TIMM17B: variants seen among roughly 807,000 people sequenced by gnomAD.
TIMM17B encodes mitochondrial import inner membrane translocase subunit Tim17-B.
A neutral mutation model predicts 15.9 loss-of-function variants in TIMM17B; 10 were observed. The observed-to-expected ratio is 0.63, with a 90% CI of 0.39 to 1.06. The LOEUF (loss-of-function observed/expected upper bound fraction) is 1.06. TIMM17B is among the 50% of genes least tolerant of loss of function. The pLI, the probability that TIMM17B is intolerant of heterozygous loss-of-function variation, is 0.01. For missense variants in TIMM17B, 114 were observed against 152.2 expected (o/e 0.75, Z 1.32); for synonymous variants, 57 against 57.2 (o/e 1.00, Z 0.02).
intron 2 of TIMM17B, 195 bp downstream of exon 1, chrX:48,897,529 G>A: frequency 6.7e-6 from 3 of 446,939 alleles, no homozygotes; most frequent in Non-Finnish European, 1.2e-5. Context: ...TTCGGCCTTC[G>A]CCGCACCTTC....
rs2063318978 is a variant in TIMM17B at position 48,896,924 on chromosome X, T to C, written c.27-66A>G. On this transcript the variant is annotated intron_variant, in intron 2 of 6. Transcript: ENST00000376582. ...CCCCCAGGTCCTGTCACACGAACTC[T>C]TTTCTAACTGGGAGAAACCAAGTCA... is the stretch of plus-strand genomic sequence containing the variant. 3 of 1,188,551 alleles carry C rather than the reference T, an allele frequency of 2.5e-6. No homozygotes were observed. In the African/African-American group the frequency reaches 5.3e-5, roughly 21 times the overall value.
intron 4 of TIMM17B, among the ~76,000 whole-genome samples, chrX:48,894,581 C>T (rs899323373): frequency 1.8e-5 from 2 of 111,540 alleles, no homozygotes; most frequent in African/African-American, 6.5e-5. Context: ...GTTAGGAAAC[C>T]CAGTTAATAT....
chrX:48,895,441 T>G (rs2063302709), intron 3 of TIMM17B: 2 of 514,466 alleles, frequency 3.9e-6, no homozygotes, highest in Admixed American at 2.7e-5. Context: ...ACATTAACGG[T>G]GGGAGACACA....
intron 2 of TIMM17B, chrX:48,897,454 G>A: frequency 2.5e-6 from 1 of 398,576 alleles, no homozygotes; most frequent in East Asian, 4.2e-5. Flanking sequence ...GGGATGGATC[G>A]TCCAGCGTGT....
intron 2 of TIMM17B, chrX:48,897,444 G>A (rs1339173601): frequency 2.6e-6 from 1 of 387,098 alleles, no homozygotes; most frequent in Non-Finnish European, 4.5e-6. Flanking sequence ...ACCCCTAGCC[G>A]GGATGGATCG....
intron 1 of TIMM17B, chrX:48,898,002 C>T (rs1299395326): frequency 1.0e-5 from 10 of 967,903 alleles, no homozygotes; most frequent in Non-Finnish European, 1.2e-5. Context: ...GGAAGAGAGT[C>T]GTGTGGGCCC....
In TIMM17B at chrX:48,894,173, C is replaced by T. The variant is rs782459912; in HGVS notation, c.243G>A (p.Val81=). The stretch of plus-strand genomic sequence containing the variant: ...AGGGATCCTCCTTGCCCCGAAGCCG[C>T]ACCAGGCCACAGTCGATGGTGGAGA... The change falls in exon 5 of 7, where the codon GTG becomes GTA. Residue 81 remains valine, a synonymous_variant. Transcript: ENST00000376582. The T allele has an allele frequency of 8.3e-6, 10 of 1,207,747 alleles. No individual in the cohort carries two copies. In the East Asian group the frequency reaches 3.0e-4, roughly 36 times the overall value.
intron 3 of TIMM17B, chrX:48,896,400 C>T: frequency 7.3e-6 from 1 of 137,825 alleles, no homozygotes. Flanking sequence ...GCAGAGGTTG[C>T]AGTGAGCCAA....
Position 48,895,121 on chromosome X carries a change from G to A in TIMM17B, c.127-20C>T, listed in dbSNP as rs2147437250. The A allele has an allele frequency of 6.0e-6, 7 of 1,174,880 alleles. No homozygotes were observed. The highest frequency in any genetic ancestry group is 8.0e-6 in the Non-Finnish European group (7 of 873,158). On this transcript the variant is annotated intron_variant, in intron 3 of 6. Coordinates refer to ENST00000376582, the Ensembl canonical transcript of TIMM17B. ...AATTCCCTGGGGAAAGGAAGGAAGG[G>A]CGTTAGGGCAGGGCTGAAGCCACTG...
chrX:48,895,043 A>G (rs782384361), exon 4 of TIMM17B: 4 of 1,196,305 alleles, frequency 3.3e-6, no homozygotes, highest in Non-Finnish European at 4.5e-6. Flanking sequence ...CTCACCTCCA[A>G]TCTGGGGGGC....
chrX:48,894,989 C>T (rs920784917), intron 4 of TIMM17B, 49 bp downstream of exon 3: 2 of 1,090,684 alleles, frequency 1.8e-6, no homozygotes, highest in Middle Eastern at 2.4e-4. Context: ...ATCAACCACT[C>T]CCACCTTTGC....
rs782148025 is a variant in TIMM17B, at chrX:48,893,880, C to T, written c.430+20G>A. On this transcript the variant is annotated intron_variant, in intron 6 of 6. Transcript: ENST00000376582. ...GGCCAGGTGGAGTATTTCCCACTCC[C>T]CCGACCACCAGTTACTCACCATTTC... 60 of 1,191,117 alleles carry T rather than the reference C, an allele frequency of 5.0e-5. No homozygotes were observed. The highest frequency in any genetic ancestry group is 6.7e-5 in the Non-Finnish European group (59 of 880,008).
chrX:48,897,925 T>C lies in TIMM17B; in HGVS notation c.-72-104A>G, dbSNP rs1292037433. 1.4e-5 allele frequency: 12 copies of C among 876,561 alleles called. No homozygotes were observed. In the East Asian group the frequency reaches 3.8e-4, roughly 28 times the overall value. 72.2% of individuals were successfully genotyped at this position (876,561 alleles called of 1,213,427 possible). On this transcript the variant is annotated intron_variant, in intron 1 of 6. Coordinates refer to ENST00000376582, the Ensembl canonical transcript of TIMM17B. ...CCATTTGTTCATTGCCTCCTGAGCG[T>C]AGTCCAGTTACTTTCAGGCTCGGGG...
chrX:48,897,657 C>T (rs2063327706), intron 2 of TIMM17B, 67 bp downstream of exon 1: 3 of 997,847 alleles, frequency 3.0e-6, no homozygotes, highest in Non-Finnish European at 4.3e-6. Flanking sequence ...ATGCCTCCCC[C>T]GCCCGACCCC....
At chrX:48,894,097 T>C in exon 5 of TIMM17B, 2 of 1,198,014 alleles carry the variant, frequency 1.7e-6, no homozygotes, top group Non-Finnish European at 1.1e-6. Context: ...GGTCACTCAC[T>C]GCGGGCAGCC....
chrX:48,897,006 C>A, intron 2 of TIMM17B, 148 bp from the exon 2 acceptor site: 1 of 1,081,633 alleles, frequency 9.2e-7, no homozygotes, highest in South Asian at 2.4e-5. Context: ...TGAGCTAGTT[C>A]TGTCACGCTT....
At chrX:48,898,121 A>G (rs2063336671) in exon 1 of TIMM17B, 1 of 1,013,034 alleles carries the variant, frequency 9.9e-7, no homozygotes, top group African/African-American at 2.0e-5. Context: ...GAGCTGGAGG[A>G]AGTGCTGCCC....
intron 3 of TIMM17B, chrX:48,895,566 G>T: frequency 2.0e-6 from 1 of 497,733 alleles, no homozygotes; most frequent in Non-Finnish European, 3.6e-6. Context: ...CCTCTTGAAG[G>T]AGGGGGAATC....
exon 3 of TIMM17B, chrX:48,896,767 C>A (rs2063317236): frequency 1.7e-6 from 2 of 1,211,126 alleles, no homozygotes; most frequent in African/African-American, 1.7e-5. Context: ...ACAACAGGGG[C>A]ATTGCGGAAA....
Sources: allele counts gnomAD v4.1 joint callset (sites outside exome capture counted in the v4.1 genomes callset), GRCh38; gene constraint gnomAD v4.1.1; transcripts MANE v1.5; gene names NCBI Gene and HGNC (gene_info 2026-07-23, HGNC 2026-07-21).